Variants in IGF2BP1 observed in about 807,000 individuals in gnomAD.
The protein encoded by IGF2BP1 is insulin-like growth factor 2 mRNA-binding protein 1.
In IGF2BP1, 11 loss-of-function variants were observed where a neutral mutation model predicts 74.9. That is an observed-to-expected ratio of 0.15 (90% CI 0.09 to 0.24). The LOEUF (loss-of-function observed/expected upper bound fraction) is 0.24. Ranked by LOEUF, IGF2BP1 falls within the 10% of genes least tolerant of loss-of-function variation. The pLI, the probability that IGF2BP1 is intolerant of heterozygous loss-of-function variation, is 1.00. For missense variants in IGF2BP1, 440 were observed against 757.4 expected, an observed-to-expected ratio of 0.58 and a Z score of 4.92; for synonymous variants, 287 against 281.8, an observed-to-expected ratio of 1.02 and a Z score of -0.18.
At chr17:49,027,394 C>T (rs185646403) in intron 4 of IGF2BP1, among the ~76,000 whole-genome samples, 5 of 152,218 alleles carry the variant, frequency 3.3e-5, no homozygotes, top group East Asian at 1.9e-4. Context: ...AATAATCAAC[C>T]GGTTGTCTCT....
intron 1 of IGF2BP1, among the ~76,000 whole-genome samples, chr17:48,998,304 C>T (rs549850996): frequency 6.6e-6 from 1 of 152,138 alleles, no homozygotes; most frequent in Non-Finnish European, 1.5e-5. Context: ...TGGACGCCCC[C>T]CCAGCTGGAA....
At chr17:49,031,238 G>GC (rs1350928460) in intron 4 of IGF2BP1, among the ~76,000 whole-genome samples, 8 of 152,128 alleles carry the variant, frequency 5.3e-5, no homozygotes, top group African/African-American at 1.9e-4. Context: ...CTCCTGAGTA[G>GC]CTGGGACTAC....
intron 5 of IGF2BP1, chr17:49,037,012 T>A: frequency 9.8e-6 from 2 of 205,056 alleles, no homozygotes; most frequent in Non-Finnish European, 2.1e-5. Context: ...CAAAGAGGAG[T>A]GTGTGCCATG....
chr17:49,027,049 A>G (rs2041867025), intron 4 of IGF2BP1, among the ~76,000 whole-genome samples: 1 of 152,120 alleles, frequency 6.6e-6, no homozygotes. Flanking sequence ...CCTCTGCTTC[A>G]CTTTCTGTGA....
Position 49,053,562 on chromosome 17 carries a change from T to G in IGF2BP1, c.*4118T>G, listed in dbSNP as rs1225006035. On this transcript the variant is annotated 3_prime_UTR_variant, in exon 15 of 15. Transcript: ENST00000290341. ...CCTGTTGTGGGACTGCTCTGTCCCC[T>G]GCCCCTACTGCAGAGATAGCACTGC... 2 of 152,796 alleles carry G rather than the reference T, an allele frequency of 1.3e-5. No individual in the cohort carries two copies. The highest frequency in any genetic ancestry group is 2.9e-5 in the Non-Finnish European group (2 of 68,168). 9.5% of individuals were successfully genotyped at this position (152,796 alleles called of 1,614,324 possible).
chr17:49,017,854 C>A (rs943986531), intron 2 of IGF2BP1: 1 of 152,240 alleles, frequency 6.6e-6, no homozygotes, highest in Non-Finnish European at 1.5e-5. Context: ...AGGTGATCCA[C>A]CTGCCTCGGC....
intron 5 of IGF2BP1, among the ~76,000 whole-genome samples, chr17:49,035,674 C>T (rs1011094074): frequency 2.0e-5 from 3 of 152,330 alleles, no homozygotes; most frequent in Admixed American, 6.5e-5. Context: ...GGATGCCTTG[C>T]CCTCCGAGGT....
chr17:48,999,945 TGTGTGTGTGTGTGTGTGTTC>T (rs1169456742), intron 2 of IGF2BP1, among the ~76,000 whole-genome samples: 1 of 151,124 alleles, frequency 6.6e-6, no homozygotes, highest in Non-Finnish European at 1.5e-5. Flanking sequence ...TGTGTGTGTG[TGTGTGTGTGTGTGTGTGTTC>T]GTGTGTGTTC....
intron 4 of IGF2BP1, among the ~76,000 whole-genome samples, chr17:49,031,250 A>C (rs1023295739): frequency 1.3e-5 from 2 of 151,876 alleles, no homozygotes; most frequent in African/African-American, 4.8e-5. Flanking sequence ...TGGGACTACA[A>C]GGGTGCACCA....
At position 49,055,086 on chromosome 17, in the gene IGF2BP1, T is replaced by A. The variant is rs2042210192; in HGVS notation, c.*5642T>A. ...GCTTAGGTTAGGGGGGGAAAAAGAT[T>A]TCTTTTTCCAAAGGAAAAAAATATT... On this transcript the variant is annotated 3_prime_UTR_variant, in exon 15 of 15. Coordinates refer to ENST00000290341, the MANE Select transcript of IGF2BP1 (RefSeq NM_006546.4). The A allele has an allele frequency of 6.6e-6, 1 of 151,868 alleles. No individual in the cohort carries two copies. Among genetic ancestry groups the A allele is most frequent in the South Asian group, 2.1e-4 (1 of 4,776 alleles). The allele number at this position is 151,868 out of a possible 1,614,324, so 9.4% of individuals were successfully genotyped here. A position where few individuals can be genotyped will look rare whatever the true frequency, so the allele number is the denominator to read the frequency against.
At chr17:49,047,500 T>G (rs906059018) in intron 14 of IGF2BP1, among the ~76,000 whole-genome samples, 4 of 152,066 alleles carry the variant, frequency 2.6e-5, no homozygotes, top group African/African-American at 9.7e-5. Context: ...AGGGTAAATG[T>G]GAATCTTTAA....
chr17:48,999,237 G>T (rs2041453944), intron 2 of IGF2BP1, 68 bp downstream of exon 2: 1 of 923,130 alleles, frequency 1.1e-6, no homozygotes, highest in African/African-American at 1.6e-5. Context: ...TGTGTTCAGG[G>T]GTCCATAGCG....
In IGF2BP1 at chr17:49,052,990, G is replaced by A. The variant is rs576929343; in HGVS notation, c.*3546G>A. 2 of 152,134 alleles carry A rather than the reference G, an allele frequency of 1.3e-5. No individual in the cohort carries two copies. The highest frequency in any genetic ancestry group is 2.9e-5 in the Non-Finnish European group (2 of 68,052). The allele number at this position is 152,134 out of a possible 1,614,324, so 9.4% of individuals were successfully genotyped here. On this transcript the variant is annotated 3_prime_UTR_variant, in exon 15 of 15. Coordinates refer to ENST00000290341, the MANE Select transcript of IGF2BP1 (RefSeq NM_006546.4). ...CCCCAAATGGCTTTAATCCCCTCTC[G>A]GGTCTGGTTGCCTTTTGCAGTTTGG...
At chr17:49,036,519 T>C (rs1415983117) in intron 5 of IGF2BP1, 1 of 152,032 alleles carries the variant, frequency 6.6e-6, no homozygotes, top group African/African-American at 2.4e-5. Context: ...ATTTCGAGAC[T>C]GCATGTTTGT....
At chr17:49,015,187 G>A (rs1598131817) in intron 2 of IGF2BP1, among the ~76,000 whole-genome samples, 1 of 152,162 alleles carries the variant, frequency 6.6e-6, no homozygotes, top group East Asian at 1.9e-4. Flanking sequence ...TGGCCAGGCT[G>A]GTCTCGAACT....
At position 49,014,808 on chromosome 17, in the gene IGF2BP1, A is replaced by G; in HGVS notation, c.237-10810A>G. The G allele has an allele frequency of 3.0e-6, 3 of 985,284 alleles. No individual in the cohort carries two copies. In the South Asian group the frequency reaches 1.4e-4, roughly 46 times the overall value. 61.0% of individuals were successfully genotyped at this position (985,284 alleles called of 1,614,324 possible). On this transcript the variant is annotated intron_variant, in intron 2 of 14. Transcript: ENST00000290341. ...ACTAAGGACCCCGAGGAGCACGGGG[A>G]TGTCTGCCGGGTCCTTCTCATGGTG... is the stretch of plus-strand genomic sequence containing the variant.
intron 2 of IGF2BP1, among the ~76,000 whole-genome samples, chr17:49,010,313 C>CTTTTT (rs397857828): frequency 2.8e-5 from 3 of 105,622 alleles, no homozygotes; most frequent in African/African-American, 3.8e-5. Context: ...TGGTGGTCAT[C>CTTTTT]TTTTTTTTTT....
In IGF2BP1 at chr17:49,043,955, C is replaced by T. The variant is rs766723538; in HGVS notation, c.1201-12C>T. 4 of 1,613,244 alleles carry T rather than the reference C, an allele frequency of 2.5e-6. No homozygotes were observed. The highest frequency in any genetic ancestry group is 1.7e-4 in the Middle Eastern group (1 of 5,934). On this transcript the variant is annotated splice_polypyrimidine_tract_variant and intron_variant, in intron 10 of 14. Transcript: ENST00000290341. ...TTGGGCCCCCTGGTAACAACGCCTC[C>T]TATCCTGGCAGCAGGCTCCCGAGCA...
At chr17:49,018,141 C>T (rs1227150221) in intron 2 of IGF2BP1, 1 of 152,188 alleles carries the variant, frequency 6.6e-6, no homozygotes, top group Non-Finnish European at 1.5e-5. Flanking sequence ...GTAGAGCAGC[C>T]ACATGTAATT....
Sources: allele counts gnomAD v4.1 joint callset (sites outside exome capture counted in the v4.1 genomes callset), GRCh38; gene constraint gnomAD v4.1.1; transcripts MANE v1.5; gene names NCBI Gene and HGNC (gene_info 2026-07-23, HGNC 2026-07-21).